Variants in RALB observed in about 807,000 individuals in gnomAD.
RALB encodes the protein RAS like proto-oncogene B.
A neutral mutation model predicts 21.3 loss-of-function variants in RALB; 16 were observed. That is an observed-to-expected ratio of 0.75 (90% confidence interval 0.51 to 1.14). The LOEUF (loss-of-function observed/expected upper bound fraction) is 1.14, where lower values mean the gene tolerates loss of function less well. RALB is among the 50% of genes most tolerant of loss of function. The pLI is 0.00. For missense variants in RALB, 161 were observed against 256.2 expected, an observed-to-expected ratio of 0.63 and a Z score of 2.54; for synonymous variants, 93 against 96.1, an observed-to-expected ratio of 0.97 and a Z score of 0.19.
chr2:120,286,980 C>CA (rs5833830), intron 3 of RALB, among the ~76,000 whole-genome samples: 105,967 of 152,120 alleles, frequency 0.7, 37,530 homozygotes, highest in Middle Eastern at 0.8. Flanking sequence ...ATGCCCTTCC[C>CA]TTTCTCCTAC....
chr2:120,274,304 G>A (rs1015544929), intron 1 of RALB, among the ~76,000 whole-genome samples: 2 of 151,720 alleles, frequency 1.3e-5, no homozygotes, highest in African/African-American at 2.4e-5. Flanking sequence ...CATTTCAGAT[G>A]TGCTTACTTA....
At position 120,284,416 on chromosome 2, in the gene RALB, G is replaced by A. The variant is rs891136911; in HGVS notation, c.115-1458G>A. ...TTAAAGTGTACAATTTTTTTTTTTTGAGATGTAGTTTTTCTCTTGTTGCCT... is the reference window on the plus strand; with the variant it reads ...TTAAAGTGTACAATTTTTTTTTTTTAAGATGTAGTTTTTCTCTTGTTGCCT... On this transcript the variant is annotated intron_variant, in intron 2 of 4. Transcript: ENST00000272519. Among the ~76,000 whole-genome samples, 6 of 142,868 alleles carry A rather than the reference G, an allele frequency of 4.2e-5. No homozygotes were observed. In the East Asian group the frequency reaches 6.1e-4, roughly 14 times the overall value. The allele number at this position is 142,868 out of a possible 152,430, so 93.7% of individuals were successfully genotyped here. A position where few individuals can be genotyped will look rare whatever the true frequency, so the allele number is the denominator to read the frequency against.
At chr2:120,279,734 T>C (rs1558954799) in intron 2 of RALB, among the ~76,000 whole-genome samples, 1 of 152,160 alleles carries the variant, frequency 6.6e-6, no homozygotes. Context: ...AGCTTAAACC[T>C]CAGGGCCTCT....
chr2:120,267,236 G>GT (rs1689526839), intron 1 of RALB, among the ~76,000 whole-genome samples: 1 of 152,140 alleles, frequency 6.6e-6, no homozygotes, highest in African/African-American at 2.4e-5. Flanking sequence ...GAAGGGACAG[G>GT]TAAAGAGGTA....
chr2:120,277,531 TGTA>T (rs1689838973), intron 1 of RALB, among the ~76,000 whole-genome samples: 1 of 148,652 alleles, frequency 6.7e-6, no homozygotes, highest in African/African-American at 2.5e-5. Flanking sequence ...TATGTGAGTG[TGTA>T]GTTGTGTGTG....
intron 1 of RALB, chr2:120,253,394 A>G: frequency 5.1e-6 from 5 of 985,566 alleles, no homozygotes; most frequent in Non-Finnish European, 6.0e-6. Context: ...TGCCCTCGGA[A>G]CTTGCACGCG....
rs1688948589 is a variant in RALB, at chr2:120,245,015, C to G, written c.19+4890C>G. ...GTGTTCTCTGTCTCTTTCGTCAGCCCTGGTGCCGAGTGCCCACTCAGGAAG... is the reference window on the plus strand; with the variant it reads ...GTGTTCTCTGTCTCTTTCGTCAGCCGTGGTGCCGAGTGCCCACTCAGGAAG... On this transcript the variant is annotated intron_variant, in intron 1 of 3. Transcript: ENST00000447591. Among the ~76,000 whole-genome samples the G allele has an allele frequency of 2.0e-5, 3 of 152,226 alleles. No homozygotes were observed. In the South Asian group the frequency reaches 6.2e-4, roughly 32 times the overall value.
At chr2:120,250,725 A>C (rs1277831161), upstream of RALB, among the ~76,000 whole-genome samples, 1 of 152,158 alleles carries the variant, frequency 6.6e-6, no homozygotes, top group Non-Finnish European at 1.5e-5. Flanking sequence ...AACTCAGCAG[A>C]CAAGAGGTCC....
At chr2:120,253,388 C>G in intron 1 of RALB, 1 of 985,594 alleles carries the variant, frequency 1.0e-6, no homozygotes, top group African/African-American at 1.7e-5. Flanking sequence ...CTTAACTGCC[C>G]TCGGAACTTG....
chr2:120,287,005 A>C (rs1690179672), intron 3 of RALB, among the ~76,000 whole-genome samples: 1 of 152,246 alleles, frequency 6.6e-6, no homozygotes, highest in Non-Finnish European at 1.5e-5. Flanking sequence ...TTGAGTTTTA[A>C]AAAATCTGTT....
chr2:120,253,366 G>C (rs1251325447), intron 1 of RALB: 2 of 984,180 alleles, frequency 2.0e-6, no homozygotes, highest in African/African-American at 3.5e-5. Context: ...GGGCTGGGAA[G>C]TGTTGCAAAA....
chr2:120,269,010 T>C lies in RALB; in HGVS notation c.-47-9608T>C, dbSNP rs182799235. Among the ~76,000 whole-genome samples, 26 of 152,358 alleles carry C rather than the reference T, an allele frequency of 1.7e-4. No homozygotes were observed. The East Asian group carries it at 4.4e-3, about 26-fold the overall frequency. ...GATAGAATTTGGATCATTGCCATTT[T>C]GTACCTCCTCCTAAATGGATACATC... On this transcript the variant is annotated intron_variant, in intron 1 of 4. Coordinates refer to ENST00000272519, the MANE Select transcript of RALB (RefSeq NM_002881.3).
chr2:120,245,605 AGGAGGCCTTGCTCCGG>A (rs1014346296), intron 1 of RALB, among the ~76,000 whole-genome samples: 1 of 152,164 alleles, frequency 6.6e-6, no homozygotes, highest in African/African-American at 2.4e-5. Context: ...TGCAGGAACC[AGGAGGCCTTGCTCCGG>A]GGTGTGTACA....
intron 1 of RALB, among the ~76,000 whole-genome samples, chr2:120,260,162 T>A (rs896077698): frequency 4.0e-5 from 6 of 151,850 alleles, no homozygotes; most frequent in African/African-American, 1.5e-4. Context: ...GCCGAGGGAG[T>A]GGGCTCCGGC....
At position 120,289,667 on chromosome 2, in the gene RALB, G is replaced by A. The variant is rs753357676; in HGVS notation, c.411G>A (p.Gln137=). The change falls in exon 4 of 5, where the codon CAG becomes CAA. Residue 137 remains glutamine, a synonymous_variant. Transcript: ENST00000272519. The part of the protein sequence containing the change: ...GNKSDLEERR[Q]VPVEEARSKA... ...AGTCTGACCTAGAGGAGCGGAGGCAGGTGCCTGTGGAGGAGGCCAGGAGTA... is the reference window on the plus strand; with the variant it reads ...AGTCTGACCTAGAGGAGCGGAGGCAAGTGCCTGTGGAGGAGGCCAGGAGTA... 1 of 1,614,226 alleles carries A rather than the reference G, an allele frequency of 6.2e-7. No individual in the cohort carries two copies.
At chr2:120,254,529 C>T (rs543308961) in intron 1 of RALB, among the ~76,000 whole-genome samples, 1 of 152,046 alleles carries the variant, frequency 6.6e-6, no homozygotes, top group Non-Finnish European at 1.5e-5. Context: ...GGGACCTAGA[C>T]CATAAGGATA....
At position 120,275,283 on chromosome 2, in the gene RALB, C is replaced by T. The variant is rs116817299; in HGVS notation, c.-47-3335C>T. 7.4e-3 allele frequency among the ~76,000 whole-genome samples: 1,127 copies of T among 152,138 alleles called. 13 individuals are homozygous for T. The highest frequency in any genetic ancestry group is 0.025 in the African/African-American group (1,053 of 41,492). ...CCATGTGAATGTGTGTGTGTGCATG[C>T]GCACACATGCACATGTACGTTAAAT... On this transcript the variant is annotated intron_variant, in intron 1 of 4. Transcript: ENST00000272519.
At chr2:120,263,731 T>C (rs1558948772) in intron 1 of RALB, among the ~76,000 whole-genome samples, 1 of 152,096 alleles carries the variant, frequency 6.6e-6, no homozygotes, top group Admixed American at 6.6e-5. Flanking sequence ...GGTTTCACCA[T>C]GTTGCCCAGG....
intron 1 of RALB, among the ~76,000 whole-genome samples, chr2:120,273,976 A>G (rs1034572115): frequency 6.6e-6 from 1 of 152,218 alleles, no homozygotes; most frequent in Non-Finnish European, 1.5e-5. Context: ...TTTTCAATTC[A>G]TTTATTATTT....
Sources: gnomAD v4.1 joint callset for allele counts (sites outside exome capture counted in the v4.1 genomes callset) on GRCh38, gnomAD v4.1.1 for gene constraint, MANE v1.5 for transcripts, NCBI Gene and HGNC (gene_info 2026-07-23, HGNC 2026-07-21) for gene names.